MOXD1: variants seen among roughly 807,000 people sequenced by gnomAD.
The protein encoded by MOXD1 is DBH-like monooxygenase protein 1.
A neutral mutation model predicts 66.6 loss-of-function variants in MOXD1; 62 were observed. The observed-to-expected ratio is 0.93, with a 90% CI of 0.76 to 1.15. The LOEUF (loss-of-function observed/expected upper bound fraction) is 1.15, where lower values mean the gene tolerates loss of function less well. MOXD1 is among the 50% of genes most tolerant of loss of function. MOXD1 has a pLI of 0.00. For missense variants in MOXD1, 847 were observed against 754.6 expected (o/e 1.12, Z -1.44); for synonymous variants, 303 against 281.9 (o/e 1.07, Z -0.75).
intron 1 of MOXD1, among the ~76,000 whole-genome samples, chr6:132,397,302 G>A (rs1776906983): frequency 6.6e-6 from 1 of 152,344 alleles, no homozygotes; most frequent in South Asian, 2.1e-4. Context: ...TATGGAGATG[G>A]TTTGTTACCA....
At chr6:132,388,465 C>T (rs902343601) in intron 1 of MOXD1, among the ~76,000 whole-genome samples, 1 of 151,390 alleles carries the variant, frequency 6.6e-6, no homozygotes, top group Non-Finnish European at 1.5e-5. Flanking sequence ...CCTGGTACCT[C>T]TAGAAGATTT....
intron 1 of MOXD1, among the ~76,000 whole-genome samples, chr6:132,384,904 G>T (rs879146798): frequency 1.3e-5 from 2 of 152,136 alleles, no homozygotes; most frequent in Admixed American, 1.3e-4. Flanking sequence ...GTATTTCTGT[G>T]GCTTCCATGT....
chr6:132,301,956 G>A (rs1018755601), intron 10 of MOXD1, among the ~76,000 whole-genome samples: 7 of 146,972 alleles, frequency 4.8e-5, no homozygotes, highest in East Asian at 1.9e-4. Flanking sequence ...AGGGAATTTC[G>A]AAACAGAAAA....
chr6:132,349,377 ACATG>A (rs1775736810), intron 4 of MOXD1, among the ~76,000 whole-genome samples: 3 of 133,896 alleles, frequency 2.2e-5, no homozygotes, highest in African/African-American at 5.7e-5. Flanking sequence ...ATATATATAT[ACATG>A]TATATATATA....
Position 132,328,089 on chromosome 6 carries a change from T to A in MOXD1, c.870A>T (p.Gly290=). 6.2e-7 allele frequency: 1 copy of A among 1,613,860 alleles called. No individual in the cohort carries two copies. Among genetic ancestry groups the A allele is most frequent in the South Asian group, 1.1e-5 (1 of 91,070 alleles). Residue 290 remains glycine, a synonymous_variant, in exon 6 of 12, where the codon GGA becomes GGT. Transcript: ENST00000367963. The part of the protein sequence containing the change: ...GEGFSYPPHV[G]LSLGTPLDPH... ...GATCTAATGGAGTGCCAAGGGATAA[T>A]CCAACATGAGGTGGATAAGAAAAGC...
intron 6 of MOXD1, 56 bp downstream of exon 6, chr6:132,327,957 A>C (rs1205279750): frequency 2.9e-6 from 4 of 1,401,028 alleles, no homozygotes; most frequent in Middle Eastern, 3.6e-4. Context: ...AAAGACTTAC[A>C]AGGTACAAAA....
intron 10 of MOXD1, among the ~76,000 whole-genome samples, chr6:132,306,120 A>T (rs1392988409): frequency 6.6e-6 from 1 of 152,128 alleles, no homozygotes; most frequent in African/African-American, 2.4e-5. Flanking sequence ...ACCTTCATAA[A>T]AGGTTGAGGA....
At chr6:132,393,730 C>T (rs567577881) in intron 1 of MOXD1, among the ~76,000 whole-genome samples, 86 of 152,322 alleles carry the variant, frequency 5.6e-4, no homozygotes, top group African/African-American at 2.0e-3. Context: ...TGTGTTCTGC[C>T]TGGGGGCCCA....
At chr6:132,395,605 T>G (rs1190741445) in intron 1 of MOXD1, among the ~76,000 whole-genome samples, 1 of 152,156 alleles carries the variant, frequency 6.6e-6, no homozygotes. Flanking sequence ...TTAAAAAACA[T>G]GACCTGACTA....
chr6:132,368,637 T>C (rs1776195463), intron 4 of MOXD1, among the ~76,000 whole-genome samples: 1 of 152,148 alleles, frequency 6.6e-6, no homozygotes, highest in Non-Finnish European at 1.5e-5. Context: ...TACCTTATTT[T>C]ATAATTTTAG....
At chr6:132,328,855 T>G (rs80010881) in intron 4 of MOXD1, among the ~76,000 whole-genome samples, 1 of 152,198 alleles carries the variant, frequency 6.6e-6, no homozygotes, top group African/African-American at 2.4e-5. Context: ...GCTTTTTTTT[T>G]GGTTGTTAAT....
At chr6:132,399,514 CTGTAGT>C (rs1389355120) in intron 1 of MOXD1, among the ~76,000 whole-genome samples, 2 of 152,214 alleles carry the variant, frequency 1.3e-5, no homozygotes, top group Admixed American at 1.3e-4. Flanking sequence ...GGTGAAAACA[CTGTAGT>C]TTAACCAAGT....
In MOXD1 at chr6:132,328,125, G is replaced by T; in HGVS notation, c.844-10C>A. The T allele has an allele frequency of 1.2e-6, 2 of 1,604,556 alleles. No homozygotes were observed. The highest frequency in any genetic ancestry group is 1.7e-6 in the Non-Finnish European group (2 of 1,171,628). On this transcript the variant is annotated splice_polypyrimidine_tract_variant and intron_variant, in intron 5 of 11. Transcript: ENST00000367963. ...GTGGATAAGAAAAGCCCTAAATATGGAAAATGCCATGAGACAATGTCCTAT... is the reference window on the plus strand; with the variant it reads ...GTGGATAAGAAAAGCCCTAAATATGTAAAATGCCATGAGACAATGTCCTAT...
At chr6:132,350,965 A>G (rs929909239) in intron 4 of MOXD1, among the ~76,000 whole-genome samples, 1 of 152,156 alleles carries the variant, frequency 6.6e-6, no homozygotes, top group South Asian at 2.1e-4. Context: ...GAAGTATAGA[A>G]GAGCTACTGA....
intron 4 of MOXD1, among the ~76,000 whole-genome samples, chr6:132,354,680 G>A (rs112214044): frequency 0.014 from 2,198 of 152,294 alleles, 58 homozygotes; most frequent in African/African-American, 0.05. Flanking sequence ...GTGGTGGTAC[G>A]AAGAGGAAGT....
chr6:132,373,058 G>A, intron 2 of MOXD1, 61 bp from the exon 3 acceptor site: 1 of 1,448,106 alleles, frequency 6.9e-7, no homozygotes, highest in South Asian at 1.5e-5. Flanking sequence ...CCACTGAGTT[G>A]AGTTTAAAGA....
chr6:132,391,410 T>C (rs1445510864), intron 1 of MOXD1: 1 of 152,226 alleles, frequency 6.6e-6, no homozygotes, highest in African/African-American at 2.4e-5. Flanking sequence ...CATTTTTGCG[T>C]ATATGCTATA....
chr6:132,302,389 G>T (rs919412644), intron 10 of MOXD1, among the ~76,000 whole-genome samples: 1 of 152,056 alleles, frequency 6.6e-6, no homozygotes, highest in African/African-American at 2.4e-5. Flanking sequence ...ATGTAAATGT[G>T]AATCTAAACT....
chr6:132,328,736 A>G (rs896710200), intron 4 of MOXD1, 142 bp from the exon 5 acceptor site: 1 of 802,224 alleles, frequency 1.2e-6, no homozygotes, highest in East Asian at 2.7e-5. Flanking sequence ...GTGTAGTTCA[A>G]GTCTAATTTG....
Sources: gnomAD v4.1 joint callset for allele counts (sites outside exome capture counted in the v4.1 genomes callset) on GRCh38, gnomAD v4.1.1 for gene constraint, MANE v1.5 for transcripts, NCBI Gene and HGNC (gene_info 2026-07-23, HGNC 2026-07-21) for gene names.